The following URI1 variants were observed in gnomAD, a reference collection of about 807,000 sequenced individuals.
The protein encoded by URI1 is unconventional prefoldin RPB5 interactor 1.
URI1 carries 39 observed loss-of-function variants against 60.2 expected under a neutral mutation model. The ratio of observed to expected loss-of-function variants is 0.65; its 90% CI spans 0.50 to 0.85. URI1 has a LOEUF of 0.85. URI1 is among the 40% of genes least tolerant of loss of function. The probability of loss-of-function intolerance (pLI) is 0.00; values close to 1 mark genes in which losing one functional copy is unlikely to be tolerated. For synonymous variants in URI1, 251 were observed against 236.8 expected, an observed-to-expected ratio of 1.06 and a Z score of -0.55; for missense variants, 691 against 665.9, an observed-to-expected ratio of 1.04 and a Z score of -0.42.
Position 29,971,215 on chromosome 19 carries a change from G to A in URI1, c.140G>A (p.Arg47Lys). The A allele has an allele frequency of 1.9e-6, 3 of 1,613,276 alleles. No homozygotes were observed. The highest frequency in any genetic ancestry group is 2.2e-5 in the East Asian group (1 of 44,810). ...CAGGTGGTCACTAACTGCCAAGAGA[G>A]AATCCAGCATTGGTGAGTGAAAGAT... ...QEKVVTNCQE[R>K]IQHWKKVDND... The change falls in exon 2 of 11, where the codon AGA becomes AAA. Residue 47 changes from arginine (R) to lysine (K), a missense_variant. By Grantham distance (26) the Arg-to-Lys change is conservative (BLOSUM62 2). Transcript: ENST00000392271.
chr19:29,968,141 C>T (rs1010829223), intron 1 of URI1, among the ~76,000 whole-genome samples: 16 of 151,960 alleles, frequency 1.1e-4, no homozygotes, highest in African/African-American at 4.8e-5. Flanking sequence ...TGAGTGTAAA[C>T]GAGGTCATTA....
At position 30,006,017 on chromosome 19, in the gene URI1, A is replaced by G. The variant is rs573045935; in HGVS notation, c.517+309A>G. On this transcript the variant is annotated intron_variant, in intron 6 of 10. Coordinates refer to ENST00000392271, the MANE Select transcript of URI1 (RefSeq NM_003796.3). ...ATATTCTAGACATGGATCTGCTCCTAATTTGTTCTCTGACCATGGTGAAGT... is the reference window on the plus strand; with the variant it reads ...ATATTCTAGACATGGATCTGCTCCTGATTTGTTCTCTGACCATGGTGAAGT... Among the ~76,000 whole-genome samples, 21 of 152,174 alleles carry G rather than the reference A, an allele frequency of 1.4e-4. 1 individual carries two copies. Among genetic ancestry groups the G allele is most frequent in the Middle Eastern group, 3.4e-3 (1 of 294 alleles).
intron 1 of URI1, among the ~76,000 whole-genome samples, chr19:29,957,660 CAA>C (rs1378968715): frequency 6.6e-6 from 1 of 152,048 alleles, no homozygotes; most frequent in African/African-American, 2.4e-5. Flanking sequence ...TTCCAATACT[CAA>C]AAAATAACAT....
rs1468474346 is a variant in URI1 at position 30,016,608 on chromosome 19, A to G, written c.*1539A>G. On this transcript the variant is annotated 3_prime_UTR_variant, in exon 11 of 11. Transcript: ENST00000392271. The stretch of plus-strand genomic sequence containing the variant: ...TGTCATTAAATAATTTTTCATGTTC[A>G]CAGACTTGATTTTGAGCCTGTCTAT... 6.6e-6 allele frequency: 1 copy of G among 152,122 alleles called. No individual in the cohort carries two copies. Among genetic ancestry groups the G allele is most frequent in the African/African-American group, 2.4e-5 (1 of 41,446 alleles). 9.4% of individuals were successfully genotyped at this position (152,122 alleles called of 1,614,324 possible).
At chr19:30,005,033 A>G (rs1234089898) in intron 4 of URI1, among the ~76,000 whole-genome samples, 1 of 152,038 alleles carries the variant, frequency 6.6e-6, no homozygotes, top group Non-Finnish European at 1.5e-5. Flanking sequence ...CTGTTATGAA[A>G]TACTGCATTT....
At chr19:29,994,063 A>ATGTGTG (rs3053922) in intron 4 of URI1, among the ~76,000 whole-genome samples, 2 of 147,872 alleles carry the variant, frequency 1.4e-5, no homozygotes, top group Non-Finnish European at 3.0e-5. Context: ...CTCTGTGTGT[A>ATGTGTG]TGTGTGTGTG....
intron 4 of URI1, among the ~76,000 whole-genome samples, chr19:29,986,926 A>G (rs2055678936): frequency 6.6e-6 from 1 of 152,182 alleles, no homozygotes; most frequent in Non-Finnish European, 1.5e-5. Flanking sequence ...GGTGCTACCT[A>G]AAACAGCACC....
At chr19:30,001,195 G>A (rs1436974098) in intron 4 of URI1, among the ~76,000 whole-genome samples, 1 of 151,758 alleles carries the variant, frequency 6.6e-6, no homozygotes, top group Non-Finnish European at 1.5e-5. Flanking sequence ...AATGTCTGGT[G>A]ATCCTTGGCT....
At position 29,942,290 on chromosome 19, in the gene URI1, A is replaced by G. The variant is rs902146021; in HGVS notation, c.-258A>G. 12 of 984,986 alleles carry G rather than the reference A, an allele frequency of 1.2e-5. No homozygotes were observed. Among genetic ancestry groups the G allele is most frequent in the African/African-American group, 5.3e-5 (3 of 57,054 alleles). 61.0% of individuals were successfully genotyped at this position (984,986 alleles called of 1,614,324 possible). On this transcript the variant is annotated 5_prime_UTR_variant, in exon 1 of 11. Transcript: ENST00000392271. ...ACGCCTGGCTGGGCCCGCACCGGAG[A>G]GGCGTCTCGGTACCTGGCAGGCGGC...
chr19:29,923,742 G>C (rs1216582056), exon 1 of URI1: 2 of 1,536,726 alleles, frequency 1.3e-6, no homozygotes, highest in East Asian at 4.9e-5. Flanking sequence ...AGAGGGCTCT[G>C]GCATATGCAT....
chr19:30,013,772 G>T (rs2056052025), intron 10 of URI1, among the ~76,000 whole-genome samples: 1 of 152,066 alleles, frequency 6.6e-6, no homozygotes, highest in Non-Finnish European at 1.5e-5. Context: ...ATTTTAAATA[G>T]AAGAAGGAGA....
At chr19:29,988,881 A>G (rs1433705325) in intron 4 of URI1, among the ~76,000 whole-genome samples, 1 of 152,204 alleles carries the variant, frequency 6.6e-6, no homozygotes, top group African/African-American at 2.4e-5. Context: ...AAGTGGCTGT[A>G]TGATTTACAT....
At chr19:29,940,038 G>A (rs945160025), upstream of URI1, among the ~76,000 whole-genome samples, 10 of 152,206 alleles carry the variant, frequency 6.6e-5, no homozygotes, top group African/African-American at 1.2e-4. Flanking sequence ...AGAGGTGTGC[G>A]AATTGGATGT....
At chr19:29,925,839 C>T (rs931042784) in intron 1 of URI1, 14 of 152,242 alleles carry the variant, frequency 9.2e-5, no homozygotes, top group African/African-American at 3.4e-4. Flanking sequence ...ATGTGACCGG[C>T]TCTGATTAAA....
At chr19:30,002,306 A>G (rs773152914) in intron 4 of URI1, among the ~76,000 whole-genome samples, 8 of 152,026 alleles carry the variant, frequency 5.3e-5, no homozygotes, top group Non-Finnish European at 8.8e-5. Flanking sequence ...GTGAGTAGGC[A>G]TATCGTTTAT....
chr19:29,971,125 T>A (rs2055454043), intron 1 of URI1, 68 bp from the exon 2 acceptor site: 2 of 1,477,008 alleles, frequency 1.4e-6, no homozygotes, highest in Non-Finnish European at 1.9e-6. Flanking sequence ...AGTTTTCAGA[T>A]ACACTGATTT....
intron 4 of URI1, among the ~76,000 whole-genome samples, chr19:29,994,758 T>A (rs914956164): frequency 6.6e-6 from 1 of 151,938 alleles, no homozygotes; most frequent in African/African-American, 2.4e-5. Context: ...GTGGAATTGC[T>A]GGATCATATG....
Position 29,942,303 on chromosome 19 carries a change from C to G in URI1, c.-245C>G. Reference sequence around the variant, plus strand: ...CCCGCACCGGAGAGGCGTCTCGGTACCTGGCAGGCGGCCTGCTACTCGGAG... The same window carrying G: ...CCCGCACCGGAGAGGCGTCTCGGTAGCTGGCAGGCGGCCTGCTACTCGGAG... On this transcript the variant is annotated 5_prime_UTR_variant, in exon 1 of 11. Transcript: ENST00000392271. 4.1e-6 allele frequency: 4 copies of G among 985,288 alleles called. No individual in the cohort carries two copies. Among genetic ancestry groups the G allele is most frequent in the Non-Finnish European group, 4.8e-6 (4 of 829,736 alleles). The allele number at this position is 985,288 out of a possible 1,614,324, so 61.0% of individuals were successfully genotyped here. A position where few individuals can be genotyped will look rare whatever the true frequency, so the allele number is the denominator to read the frequency against.
chr19:29,961,302 A>G (rs1011900502), intron 1 of URI1, among the ~76,000 whole-genome samples: 1 of 150,586 alleles, frequency 6.6e-6, no homozygotes, highest in African/African-American at 2.4e-5. Context: ...TCATTAAACA[A>G]TAACTCTCTA....
Sources: gnomAD v4.1 joint callset for allele counts (sites outside exome capture counted in the v4.1 genomes callset) on GRCh38, gnomAD v4.1.1 for gene constraint, MANE v1.5 for transcripts, NCBI Gene and HGNC (gene_info 2026-07-23, HGNC 2026-07-21) for gene names.